ATP8B1: variants seen among roughly 807,000 people sequenced by gnomAD.
ATP8B1 encodes ATPase phospholipid transporting 8B1, also known as phospholipid-transporting ATPase IC.
ATP8B1 carries 80 observed loss-of-function variants against 149.9 expected under a neutral mutation model. That is an observed-to-expected ratio of 0.53 (90% CI 0.45 to 0.64). The LOEUF (loss-of-function observed/expected upper bound fraction) is 0.64. Among genes scored for constraint, ATP8B1 ranks in the 30% least tolerant of loss-of-function variants. The probability of loss-of-function intolerance (pLI) is 0.00; values close to 1 mark genes in which losing one functional copy is unlikely to be tolerated. For synonymous variants in ATP8B1, 536 were observed against 562.8 expected (o/e 0.95, Z 0.67); for missense variants, 1,247 against 1,552.6 (o/e 0.80, Z 3.31).
chr18:57,722,988 A>G (rs62092581), intron 2 of ATP8B1, among the ~76,000 whole-genome samples: 11,231 of 149,014 alleles, frequency 0.075, 676 homozygotes, highest in African/African-American at 0.17. Context: ...ACAGAGCCAA[A>G]GACAAAAACC....
chr18:57,797,694 T>G (rs576469897), intron 1 of ATP8B1, among the ~76,000 whole-genome samples: 40 of 118,486 alleles, frequency 3.4e-4, no homozygotes, highest in African/African-American at 1.4e-3. Context: ...TGATCTGCTT[T>G]CTTTCTTTCT....
At chr18:57,797,378 A>C (rs1461244131) in intron 1 of ATP8B1, among the ~76,000 whole-genome samples, 2 of 152,206 alleles carry the variant, frequency 1.3e-5, no homozygotes, top group African/African-American at 4.8e-5. Context: ...TCATTGCAGA[A>C]GTGCCAGGCT....
intron 15 of ATP8B1, among the ~76,000 whole-genome samples, chr18:57,676,717 C>CAAAAAAAAAAAAA (rs58101846): frequency 1.1e-4 from 10 of 92,200 alleles, no homozygotes; most frequent in Non-Finnish European, 1.4e-4. Flanking sequence ...GACTCCATTT[C>CAAAAAAAAAAAAA]AAAAAAAAAA....
At chr18:57,736,460 T>G (rs1242124687) in intron 1 of ATP8B1, among the ~76,000 whole-genome samples, 1 of 141,724 alleles carries the variant, frequency 7.1e-6, no homozygotes, top group African/African-American at 2.6e-5. Flanking sequence ...CTAGTTTTTT[T>G]TTTTTTTTTT....
At chr18:57,725,998 G>C (rs184678427) in intron 2 of ATP8B1, among the ~76,000 whole-genome samples, 1 of 152,328 alleles carries the variant, frequency 6.6e-6, no homozygotes, top group Admixed American at 6.5e-5. Flanking sequence ...GGGAAGCCAA[G>C]GTGGGTGGAT....
chr18:57,658,977 T>C (rs965672069), intron 22 of ATP8B1, among the ~76,000 whole-genome samples: 1 of 152,148 alleles, frequency 6.6e-6, no homozygotes, highest in Non-Finnish European at 1.5e-5. Context: ...CTATAACTTA[T>C]ATATAAAAGT....
chr18:57,731,610 G>A lies in ATP8B1; in HGVS notation c.181+17C>T. On this transcript the variant is annotated intron_variant, in intron 2 of 27. Transcript: ENST00000648908. ...GGATTTATAAGCGACCTAGTCACCG[G>A]GACTTCATGTGGTTACCTTTTCTGA... 6.2e-7 allele frequency: 1 copy of A among 1,613,606 alleles called. No individual in the cohort carries two copies. The highest frequency in any genetic ancestry group is 8.5e-7 in the Non-Finnish European group (1 of 1,179,808).
At chr18:57,706,053 T>G (rs1482184334) in intron 3 of ATP8B1, among the ~76,000 whole-genome samples, 1 of 152,158 alleles carries the variant, frequency 6.6e-6, no homozygotes, top group Non-Finnish European at 1.5e-5. Flanking sequence ...ATTTAATCTT[T>G]AAGCATTCTT....
At chr18:57,761,076 TAAATA>T (rs1201257618) in intron 1 of ATP8B1, among the ~76,000 whole-genome samples, 25 of 88,928 alleles carry the variant, frequency 2.8e-4, no homozygotes, top group Admixed American at 4.1e-4. Flanking sequence ...TAAAATAAAA[TAAATA>T]AAATAAAATA....
At chr18:57,752,854 T>G (rs1348693935) in intron 1 of ATP8B1, among the ~76,000 whole-genome samples, 1 of 152,210 alleles carries the variant, frequency 6.6e-6, no homozygotes, top group South Asian at 2.1e-4. Context: ...TAACACACAG[T>G]AGAACTTTCA....
At chr18:57,683,912 T>G (rs903448914) in intron 15 of ATP8B1, 124 bp downstream of exon 15, 2 of 1,253,794 alleles carry the variant, frequency 1.6e-6, no homozygotes, top group African/African-American at 3.0e-5. Flanking sequence ...CTGAGAAATA[T>G]TCACTGCATT....
chr18:57,787,785 T>C (rs1458057695), intron 1 of ATP8B1, among the ~76,000 whole-genome samples: 2 of 152,236 alleles, frequency 1.3e-5, no homozygotes, highest in Non-Finnish European at 2.9e-5. Flanking sequence ...AGGTTTAACA[T>C]CTATCAAAAT....
chr18:57,671,328 C>T, intron 17 of ATP8B1, 140 bp downstream of exon 17: 1 of 761,426 alleles, frequency 1.3e-6, no homozygotes, highest in Admixed American at 2.0e-5. Flanking sequence ...TGTATTCCTA[C>T]TTTACTGCTC....
chr18:57,726,217 A>G lies in ATP8B1; in HGVS notation c.181+5410T>C, dbSNP rs967431793. 3.3e-4 allele frequency among the ~76,000 whole-genome samples: 50 copies of G among 152,084 alleles called. No homozygotes were observed. In the Middle Eastern group the frequency reaches 0.01, roughly 31 times the overall value. ...CACTTCAGCCTGGTGACAGAGCAAG[A>G]CTCTGCCTCAAACAAAAACAAACAA... On this transcript the variant is annotated intron_variant, in intron 2 of 27. Coordinates refer to ENST00000648908, the MANE Select transcript of ATP8B1 (RefSeq NM_001374385.1).
intron 1 of ATP8B1, among the ~76,000 whole-genome samples, chr18:57,774,171 TCA>T (rs1408815933): frequency 6.6e-6 from 1 of 152,200 alleles, no homozygotes; most frequent in African/African-American, 2.4e-5. Context: ...GCTTAGCCCC[TCA>T]CCTTACTGTC....
chr18:57,792,302 A>T (rs1471010198), intron 1 of ATP8B1, among the ~76,000 whole-genome samples: 3 of 148,536 alleles, frequency 2.0e-5, no homozygotes, highest in African/African-American at 7.9e-5. Context: ...AAATTTTATT[A>T]ATTTTTTTTT....
At chr18:57,743,023 A>G (rs1036857928) in intron 1 of ATP8B1, among the ~76,000 whole-genome samples, 1 of 152,064 alleles carries the variant, frequency 6.6e-6, no homozygotes, top group Non-Finnish European at 1.5e-5. Context: ...TAGTAATATT[A>G]TATTTCTTCT....
chr18:57,680,550 C>T (rs773293858), intron 15 of ATP8B1, among the ~76,000 whole-genome samples: 7 of 151,264 alleles, frequency 4.6e-5, no homozygotes, highest in Non-Finnish European at 7.4e-5. Flanking sequence ...TGCCATTGCA[C>T]TCCAGCCTGG....
intron 1 of ATP8B1, chr18:57,737,671 C>T (rs1179240435): frequency 1.3e-5 from 2 of 152,132 alleles, no homozygotes; most frequent in Admixed American, 1.3e-4. Context: ...TTCCTTTTAG[C>T]CCTTTTCAAG....
Sources: allele counts gnomAD v4.1 joint callset (sites outside exome capture counted in the v4.1 genomes callset), GRCh38; gene constraint gnomAD v4.1.1; transcripts MANE v1.5; gene names NCBI Gene and HGNC (gene_info 2026-07-23, HGNC 2026-07-21).